CDC25C: variants seen among roughly 807,000 people sequenced by gnomAD.
The protein encoded by CDC25C is cell division cycle 25C, also known as M-phase inducer phosphatase 3.
A neutral mutation model predicts 52.5 loss-of-function variants in CDC25C; 48 were observed. That is an observed-to-expected ratio of 0.91 (90% CI 0.72 to 1.16). The LOEUF (loss-of-function observed/expected upper bound fraction) is 1.16, where lower values mean the gene tolerates loss of function less well. Ranked by LOEUF, CDC25C falls within the 50% of genes most tolerant of loss-of-function variation. The pLI is 0.00. For missense variants in CDC25C, 510 were observed against 566.1 expected (o/e 0.90, Z 1.01); for synonymous variants, 187 against 206.5 (o/e 0.91, Z 0.81).
In CDC25C at chr5:138,287,265, C is replaced by T. The variant is rs763389485; in HGVS notation, c.930G>A (p.Val310=). 2.2e-5 allele frequency: 35 copies of T among 1,611,534 alleles called. No homozygotes were observed. In the South Asian group the frequency reaches 3.6e-4, roughly 17 times the overall value. ...GGAACTTCCCCGACAGTAAGGCAGC[C>T]ACCTGGACAGAAACAATGACTGAAT... The part of the protein sequence containing the change: ...QDLKYVNPET[V]AALLSGKFQG... Residue 310 remains valine, a splice_region_variant and synonymous_variant, in exon 11 of 14, where the codon GTG becomes GTA. Coordinates refer to ENST00000323760, the MANE Select transcript of CDC25C (RefSeq NM_001790.5).
chr5:138,292,493 A>C lies in CDC25C; in HGVS notation c.616-377T>G, dbSNP rs554077431. On this transcript the variant is annotated intron_variant, in intron 7 of 13. Transcript: ENST00000323760. ...CAGTTATGTGACCAAAAAAAAAAAA[A>C]AAAAAAAAAACATAAGTCCATTTTG... Among the ~76,000 whole-genome samples, 199 of 151,740 alleles carry C rather than the reference A, an allele frequency of 1.3e-3. 1 individual carries two copies. The highest frequency in any genetic ancestry group is 4.4e-3 in the African/African-American group (182 of 41,466).
chr5:138,328,655 G>T (rs1268553952), intron 3 of CDC25C, 126 bp from the exon 4 acceptor site: 3 of 752,394 alleles, frequency 4.0e-6, no homozygotes, highest in African/African-American at 3.5e-5. Flanking sequence ...TGAATACAAA[G>T]CCTCTCGATT....
intron 2 of CDC25C, among the ~76,000 whole-genome samples, chr5:138,330,332 T>C (rs1376928109): frequency 1.3e-5 from 2 of 152,076 alleles, no homozygotes; most frequent in Non-Finnish European, 2.9e-5. Flanking sequence ...CTACTTCTCT[T>C]TGCTAGTTGA....
At position 138,320,915 on chromosome 5, in the gene CDC25C, C is replaced by CAAAAAAA. The variant is rs57923567; in HGVS notation, c.460-1548_460-1542dup. ...TGGGTGACAGAGTGAGACTCTGTCT[C>CAAAAAAA]AAAAAAAAAAAAAAAAAAAAAAAAA... On this transcript the variant is annotated intron_variant, in intron 6 of 13. Coordinates refer to ENST00000323760, the MANE Select transcript of CDC25C (RefSeq NM_001790.5). Among the ~76,000 whole-genome samples the CAAAAAAA allele has an allele frequency of 6.2e-4, 26 of 42,256 alleles. 1 individual carries two copies. The highest frequency in any genetic ancestry group is 2.8e-3 in the African/African-American group (25 of 8,784). 27.7% of individuals were successfully genotyped at this position (42,256 alleles called of 152,430 possible).
chr5:138,315,214 C>T (rs950993405), intron 7 of CDC25C, among the ~76,000 whole-genome samples: 1 of 152,052 alleles, frequency 6.6e-6, no homozygotes, highest in African/African-American at 2.4e-5. Context: ...TAAACCACCA[C>T]GCCCAGCCTC....
chr5:138,320,609 C>T (rs917454018), intron 6 of CDC25C, among the ~76,000 whole-genome samples: 1 of 151,938 alleles, frequency 6.6e-6, no homozygotes, highest in Non-Finnish European at 1.5e-5. Context: ...CTCTTGAACC[C>T]AGGAGTTTGA....
At chr5:138,291,399 G>A (rs903391768) in intron 8 of CDC25C, among the ~76,000 whole-genome samples, 2 of 151,676 alleles carry the variant, frequency 1.3e-5, no homozygotes, top group East Asian at 1.9e-4. Context: ...TTGGGAAGAC[G>A]GTATGATGAC....
upstream of CDC25C, chr5:138,333,522 A>C (rs1760537162): frequency 6.6e-6 from 1 of 152,268 alleles, no homozygotes; most frequent in African/African-American, 2.4e-5. Context: ...GAACCTTGCT[A>C]TGCCAGGTGA....
At chr5:138,289,361 T>C in intron 10 of CDC25C, 140 bp downstream of exon 10, 2 of 618,764 alleles carry the variant, frequency 3.2e-6, no homozygotes, top group Non-Finnish European at 5.9e-6. Context: ...AATGAGTCCT[T>C]CAATATAACT....
At chr5:138,286,193 C>T in intron 12 of CDC25C, 60 bp from the exon 13 acceptor site, 5 of 1,283,076 alleles carry the variant, frequency 3.9e-6, no homozygotes, top group Non-Finnish European at 5.6e-6. Flanking sequence ...ATCCCAGGGG[C>T]CATTCACTGG....
intron 7 of CDC25C, among the ~76,000 whole-genome samples, chr5:138,308,591 A>G (rs1487957923): frequency 1.3e-5 from 2 of 152,102 alleles, no homozygotes; most frequent in African/African-American, 4.8e-5. Flanking sequence ...CTGTTTTTCT[A>G]TAGATCTACT....
intron 6 of CDC25C, among the ~76,000 whole-genome samples, chr5:138,320,967 C>A (rs1759332573): frequency 7.0e-6 from 1 of 141,922 alleles, no homozygotes; most frequent in South Asian, 2.3e-4. Flanking sequence ...TAGTGGCACA[C>A]ACTTGCAGTC....
At chr5:138,297,359 C>A (rs1175506674) in intron 7 of CDC25C, among the ~76,000 whole-genome samples, 2 of 152,150 alleles carry the variant, frequency 1.3e-5, no homozygotes, top group Non-Finnish European at 2.9e-5. Flanking sequence ...CTGTGCCCGG[C>A]CTAGTTCTTT....
At chr5:138,329,969 G>A (rs2126845231) in intron 2 of CDC25C, among the ~76,000 whole-genome samples, 1 of 152,162 alleles carries the variant, frequency 6.6e-6, no homozygotes, top group African/African-American at 2.4e-5. Flanking sequence ...AACCTCAGGT[G>A]ATCCACCCAC....
chr5:138,336,673 A>C (rs1760724998), upstream of CDC25C: 1 of 152,072 alleles, frequency 6.6e-6, no homozygotes, highest in Non-Finnish European at 1.5e-5. Flanking sequence ...AGCAACAGCA[A>C]GACCCTGTTT....
intron 7 of CDC25C, among the ~76,000 whole-genome samples, chr5:138,300,815 T>C (rs2126707451): frequency 6.6e-6 from 1 of 152,254 alleles, no homozygotes. Flanking sequence ...CGAATTAAAT[T>C]AGAATTCAAT....
chr5:138,325,726 T>C, intron 6 of CDC25C, 89 bp downstream of exon 6: 1 of 871,780 alleles, frequency 1.1e-6, no homozygotes. Flanking sequence ...ATACGAGGTA[T>C]AAACAGTTCT....
chr5:138,295,886 T>A, intron 7 of CDC25C, among the ~76,000 whole-genome samples: 1 of 152,116 alleles, frequency 6.6e-6, no homozygotes, highest in East Asian at 1.9e-4. Context: ...ATATGGGAGT[T>A]TTTAAACACT....
upstream of CDC25C, among the ~76,000 whole-genome samples, chr5:138,334,383 A>G (rs1760584505): frequency 6.6e-6 from 1 of 151,536 alleles, no homozygotes; most frequent in African/African-American, 2.4e-5. Flanking sequence ...TTTTTTTGAG[A>G]CAGTTTCTTT....
Sources: gnomAD v4.1 joint callset for allele counts (sites outside exome capture counted in the v4.1 genomes callset) on GRCh38, gnomAD v4.1.1 for gene constraint, MANE v1.5 for transcripts, NCBI Gene and HGNC (gene_info 2026-07-23, HGNC 2026-07-21) for gene names.